STK39: variants seen among roughly 807,000 people sequenced by gnomAD.
STK39 encodes the protein STE20/SPS1-related proline-alanine-rich protein kinase.
In STK39, 20 loss-of-function variants were observed where a neutral mutation model predicts 77.8. That is an observed-to-expected ratio of 0.26 (90% confidence interval 0.18 to 0.37). STK39 has a LOEUF of 0.37. Among genes scored for constraint, STK39 ranks in the 10% least tolerant of loss-of-function variants. The probability of loss-of-function intolerance (pLI) is 1.00; values close to 1 mark genes in which losing one functional copy is unlikely to be tolerated. For missense variants in STK39, 479 were observed against 656.5 expected (o/e 0.73, Z 2.95); for synonymous variants, 246 against 234.1 (o/e 1.05, Z -0.47).
intron 1 of STK39, among the ~76,000 whole-genome samples, chr2:168,182,840 C>T (rs1689117651): frequency 6.6e-6 from 1 of 152,090 alleles, no homozygotes; most frequent in Non-Finnish European, 1.5e-5. Flanking sequence ...CAGGTTAAGG[C>T]ATCTCAATTC....
intron 14 of STK39, among the ~76,000 whole-genome samples, chr2:168,026,298 T>A (rs920818503): frequency 6.6e-6 from 1 of 152,200 alleles, no homozygotes; most frequent in East Asian, 1.9e-4. Context: ...CTCACTCTGA[T>A]CCATCCTTCA....
Position 168,004,499 on chromosome 2 carries a change from G to A in STK39, c.1498+8135C>T, listed in dbSNP as rs1027646068. On this transcript the variant is annotated intron_variant, in intron 16 of 17. Coordinates refer to ENST00000355999, the MANE Select transcript of STK39 (RefSeq NM_013233.3). ...TGTAATCCCAGCACTTTGGGAGGCCGAGGCAGGCGGATCATGAGGTCAGGA... is the reference window on the plus strand; with the variant it reads ...TGTAATCCCAGCACTTTGGGAGGCCAAGGCAGGCGGATCATGAGGTCAGGA... Among the ~76,000 whole-genome samples the A allele has an allele frequency of 1.1e-4, 17 of 152,016 alleles. No homozygotes were observed. In the East Asian group the frequency reaches 1.4e-3, roughly 12 times the overall value.
intron 1 of STK39, among the ~76,000 whole-genome samples, chr2:168,217,926 AG>A (rs1444343179): frequency 2.0e-5 from 3 of 152,234 alleles, no homozygotes; most frequent in Admixed American, 1.3e-4. Context: ...GGAAGAAAAA[AG>A]CATAACTACT....
At chr2:167,959,584 C>T (rs1054021169) in intron 17 of STK39, among the ~76,000 whole-genome samples, 1 of 152,080 alleles carries the variant, frequency 6.6e-6, no homozygotes, top group Non-Finnish European at 1.5e-5. Flanking sequence ...TAAGCTCAAA[C>T]CAAACAATCT....
At chr2:168,203,802 C>A (rs1335764616) in intron 1 of STK39, among the ~76,000 whole-genome samples, 1 of 152,238 alleles carries the variant, frequency 6.6e-6, no homozygotes, top group East Asian at 1.9e-4. Flanking sequence ...CCATACTGGT[C>A]AGGCTGGTCT....
intron 10 of STK39, among the ~76,000 whole-genome samples, chr2:168,125,587 C>T (rs73019437): frequency 0.016 from 2,407 of 152,232 alleles, 59 homozygotes; most frequent in African/African-American, 0.053. Context: ...GCCTGGGCCC[C>T]TCAGACTAGA....
intron 10 of STK39, among the ~76,000 whole-genome samples, chr2:168,101,385 G>T (rs945890953): frequency 6.6e-6 from 1 of 152,174 alleles, no homozygotes; most frequent in African/African-American, 2.4e-5. Flanking sequence ...CTACATTTGA[G>T]AGCTTACTTG....
At chr2:168,100,277 T>C (rs1420615724) in intron 10 of STK39, among the ~76,000 whole-genome samples, 1 of 152,140 alleles carries the variant, frequency 6.6e-6, no homozygotes, top group African/African-American at 2.4e-5. Context: ...AAAAAGTAGA[T>C]GCCTTGCCAG....
At chr2:168,243,712 T>C (rs1690829947) in intron 1 of STK39, among the ~76,000 whole-genome samples, 1 of 152,228 alleles carries the variant, frequency 6.6e-6, no homozygotes, top group Admixed American at 6.5e-5. Context: ...ATTCTTTGAA[T>C]GAGAAGTTCA....
chr2:168,068,188 G>A (rs922382857), intron 12 of STK39, among the ~76,000 whole-genome samples: 2 of 152,162 alleles, frequency 1.3e-5, no homozygotes, highest in African/African-American at 4.8e-5. Flanking sequence ...AGATTTGGGT[G>A]AGGACACAGC....
At chr2:168,247,203 GC>G (rs1287858313) in intron 1 of STK39, 24 bp downstream of exon 1, 6 of 1,183,764 alleles carry the variant, frequency 5.1e-6, no homozygotes, top group South Asian at 5.1e-5. Flanking sequence ...GCCTGTGCCG[GC>G]CCCGCCGCGC....
intron 5 of STK39, among the ~76,000 whole-genome samples, chr2:168,151,732 C>T (rs1056285458): frequency 4.0e-5 from 5 of 126,008 alleles, no homozygotes; most frequent in Non-Finnish European, 6.2e-5. Flanking sequence ...GAGTGAGACT[C>T]GGTCTCAAAA....
chr2:168,116,940 T>A (rs865975313), intron 10 of STK39, among the ~76,000 whole-genome samples: 2 of 152,232 alleles, frequency 1.3e-5, no homozygotes, highest in African/African-American at 4.8e-5. Context: ...ATTTTTGGAA[T>A]ATCTTCCTAA....
chr2:168,202,341 C>G (rs928365664), intron 1 of STK39, among the ~76,000 whole-genome samples: 4 of 152,164 alleles, frequency 2.6e-5, no homozygotes, highest in African/African-American at 9.7e-5. Flanking sequence ...GGCTACAGTA[C>G]AGTAAAACAC....
At chr2:168,148,580 C>T (rs1455012152) in intron 5 of STK39, among the ~76,000 whole-genome samples, 1 of 152,198 alleles carries the variant, frequency 6.6e-6, no homozygotes, top group Admixed American at 6.5e-5. Context: ...ACAAGACCGG[C>T]AGCAGCAGCC....
chr2:168,224,716 TA>T (rs1690262241), intron 1 of STK39, among the ~76,000 whole-genome samples: 1 of 152,246 alleles, frequency 6.6e-6, no homozygotes, highest in African/African-American at 2.4e-5. Flanking sequence ...GCTTATGTGC[TA>T]AAAAGGCATT....
intron 10 of STK39, among the ~76,000 whole-genome samples, chr2:168,102,796 G>T (rs982869115): frequency 6.6e-6 from 1 of 151,942 alleles, no homozygotes; most frequent in Non-Finnish European, 1.5e-5. Flanking sequence ...TCTGTGTGGT[G>T]GTGGGCACCT....
intron 10 of STK39, among the ~76,000 whole-genome samples, chr2:168,115,664 G>C (rs2122081): frequency 0.38 from 57,697 of 152,072 alleles, 11,891 homozygotes; most frequent in South Asian, 0.53. Flanking sequence ...ATGTCCAAAG[G>C]TATATCTTAA....
intron 16 of STK39, among the ~76,000 whole-genome samples, chr2:168,009,591 A>G (rs73026998): frequency 0.12 from 18,022 of 152,198 alleles, 3,562 homozygotes; most frequent in African/African-American, 0.41. Context: ...AGTCTACAAC[A>G]TAGTGATTAA....
Sources: allele counts gnomAD v4.1 joint callset (sites outside exome capture counted in the v4.1 genomes callset), GRCh38; gene constraint gnomAD v4.1.1; transcripts MANE v1.5; gene names NCBI Gene and HGNC (gene_info 2026-07-23, HGNC 2026-07-21).